The following SVIL variants were observed in gnomAD, a reference collection of about 807,000 sequenced individuals.
SVIL encodes the protein archvillin.
A neutral mutation model predicts 240.4 loss-of-function variants in SVIL; 101 were observed. The ratio of observed to expected loss-of-function variants is 0.42; its 90% CI spans 0.36 to 0.50. The LOEUF is 0.50. Among genes scored for constraint, SVIL ranks in the 20% least tolerant of loss-of-function variants. The pLI, the probability that SVIL is intolerant of heterozygous loss-of-function variation, is 0.01. For synonymous variants in SVIL, 999 were observed against 1,100.0 expected, an observed-to-expected ratio of 0.91 and a Z score of 1.82; for missense variants, 2,512 against 2,818.7, an observed-to-expected ratio of 0.89 and a Z score of 2.46.
At chr10:29,639,296 G>A (rs1375178561), upstream of SVIL, among the ~76,000 whole-genome samples, 2 of 151,274 alleles carry the variant, frequency 1.3e-5, no homozygotes, top group East Asian at 1.9e-4. Flanking sequence ...CTCAGCCTCC[G>A]GAGTAGCTGG....
chr10:29,507,052 C>T (rs142828120), intron 17 of SVIL, among the ~76,000 whole-genome samples: 1 of 152,154 alleles, frequency 6.6e-6, no homozygotes, highest in African/African-American at 2.4e-5. Context: ...GGGGTCTGCT[C>T]TCTGGGGTGG....
chr10:29,463,708 C>A, intron 34 of SVIL, 73 bp from the exon 35 acceptor site: 3 of 1,560,080 alleles, frequency 1.9e-6, no homozygotes, highest in Non-Finnish European at 8.7e-7. Flanking sequence ...CCTCCCCCAA[C>A]CTAGTGGATG....
At chr10:29,469,480 T>C (rs749924896) in intron 32 of SVIL, among the ~76,000 whole-genome samples, 12 of 152,194 alleles carry the variant, frequency 7.9e-5, no homozygotes, top group African/African-American at 1.2e-4. Context: ...TCCTCACAGG[T>C]CTCAGTTGCC....
At chr10:29,515,583 C>G (rs1026295900) in intron 16 of SVIL, among the ~76,000 whole-genome samples, 5 of 152,212 alleles carry the variant, frequency 3.3e-5, no homozygotes, top group Non-Finnish European at 5.9e-5. Context: ...TCCCTGTAAA[C>G]TGGCCTCAGA....
chr10:29,550,764 C>T lies in SVIL; in HGVS notation c.660G>A (p.Leu220=), dbSNP rs141506698. 1.9e-3 allele frequency: 3,071 copies of T among 1,614,152 alleles called. 5 individuals are homozygous for T. The highest frequency in any genetic ancestry group is 2.5e-3 in the Non-Finnish European group (2,951 of 1,180,030). ...TCGAGGAACTCTCGGCTGCTGGGGA[C>T]AGGTCATGGGCCTGCCGGGTGGCAC... ...ELSATRQAHD[L]SPAAESSSTF... is the part of the protein sequence containing the mutation. Residue 220 remains leucine (L), a synonymous_variant, in exon 6 of 38, where the codon CTG becomes CTA. Coordinates refer to ENST00000355867, the MANE Select transcript of SVIL (RefSeq NM_021738.3).
chr10:29,648,877 C>A (rs982262394), intron 3 of SVIL, among the ~76,000 whole-genome samples: 4 of 151,824 alleles, frequency 2.6e-5, no homozygotes, highest in Non-Finnish European at 5.9e-5. Context: ...GAGGCTCATG[C>A]CTATATTCCA....
intron 2 of SVIL, among the ~76,000 whole-genome samples, chr10:29,669,917 C>T (rs1215588518): frequency 6.6e-6 from 1 of 151,992 alleles, no homozygotes; most frequent in African/African-American, 2.4e-5. Context: ...AGTTCAAGAC[C>T]AGCCTAGGCA....
chr10:29,652,255 C>G (rs1958863172), intron 3 of SVIL, among the ~76,000 whole-genome samples: 1 of 152,158 alleles, frequency 6.6e-6, no homozygotes, highest in Admixed American at 6.6e-5. Context: ...TACTTTGTGT[C>G]TATGGATTTG....
intron 1 of SVIL, among the ~76,000 whole-genome samples, chr10:29,715,468 T>C (rs1212617027): frequency 6.6e-6 from 1 of 152,202 alleles, no homozygotes; most frequent in Non-Finnish European, 1.5e-5. Context: ...AACATTCCCA[T>C]CCAACTAAGA....
intron 6 of SVIL, among the ~76,000 whole-genome samples, chr10:29,540,669 G>A (rs1268913578): frequency 1.3e-5 from 2 of 152,076 alleles, no homozygotes; most frequent in African/African-American, 2.4e-5. Context: ...AGGTTGGGAT[G>A]CCAGTGTTCA....
intron 17 of SVIL, among the ~76,000 whole-genome samples, chr10:29,509,355 GA>G (rs1949640388): frequency 8.4e-6 from 1 of 119,116 alleles, no homozygotes; most frequent in Non-Finnish European, 1.9e-5. Flanking sequence ...GAGAGAGAGA[GA>G]GAGAGAGAGA....
At chr10:29,665,815 CAAACAAACA>C (rs1266418914) in intron 2 of SVIL, among the ~76,000 whole-genome samples, 1 of 151,914 alleles carries the variant, frequency 6.6e-6, no homozygotes, top group Non-Finnish European at 1.5e-5. Flanking sequence ...AACAAACAAA[CAAACAAACA>C]AAAAACCCTA....
chr10:29,576,265 G>T, intron 1 of SVIL: 1 of 266,082 alleles, frequency 3.8e-6, no homozygotes. Context: ...CTCAATGAGT[G>T]ACTAGCATAC....
intron 17 of SVIL, among the ~76,000 whole-genome samples, chr10:29,500,499 C>T (rs1948795352): frequency 6.6e-6 from 1 of 152,138 alleles, no homozygotes; most frequent in Admixed American, 6.5e-5. Context: ...GGTTTGCCCT[C>T]TCACTTTCCA....
intron 1 of SVIL, among the ~76,000 whole-genome samples, chr10:29,711,600 A>C (rs1043109391): frequency 1.3e-5 from 2 of 152,026 alleles, no homozygotes; most frequent in African/African-American, 4.8e-5. Flanking sequence ...GTTTATACTA[A>C]AAATGCAAAA....
intron 18 of SVIL, among the ~76,000 whole-genome samples, chr10:29,496,241 T>C (rs1948434364): frequency 6.6e-6 from 1 of 152,280 alleles, no homozygotes. Flanking sequence ...CGTCTCATTA[T>C]ATACATATAT....
intron 6 of SVIL, among the ~76,000 whole-genome samples, chr10:29,546,719 G>A (rs1441421075): frequency 6.6e-6 from 1 of 152,082 alleles, no homozygotes; most frequent in East Asian, 1.9e-4. Flanking sequence ...GGACACTATT[G>A]GTGGTCTTTT....
upstream of SVIL, among the ~76,000 whole-genome samples, chr10:29,736,518 A>C (rs929694685): frequency 6.6e-6 from 1 of 151,572 alleles, no homozygotes; most frequent in Non-Finnish European, 1.5e-5. Flanking sequence ...CTGTCGCCCG[A>C]GTGAACTCTT....
intron 1 of SVIL, among the ~76,000 whole-genome samples, chr10:29,726,679 G>A (rs2132708157): frequency 6.6e-6 from 1 of 152,236 alleles, no homozygotes; most frequent in African/African-American, 2.4e-5. Flanking sequence ...CTCGGGAGGT[G>A]GAGGTTGCGG....
Sources: gnomAD v4.1 joint callset for allele counts (sites outside exome capture counted in the v4.1 genomes callset) on GRCh38, gnomAD v4.1.1 for gene constraint, MANE v1.5 for transcripts, NCBI Gene and HGNC (gene_info 2026-07-23, HGNC 2026-07-21) for gene names.